Variants in ANKS1A observed in about 807,000 individuals in gnomAD.
ANKS1A encodes the protein ankyrin repeat and sterile alpha motif domain containing 1A.
In ANKS1A, 55 loss-of-function variants were observed where a neutral mutation model predicts 120.3. The ratio of observed to expected loss-of-function variants is 0.46; its 90% CI spans 0.37 to 0.57. The LOEUF (loss-of-function observed/expected upper bound fraction) is 0.57. Ranked by LOEUF, ANKS1A falls within the 20% of genes least tolerant of loss-of-function variation. ANKS1A has a pLI of 0.00. For synonymous variants in ANKS1A, 590 were observed against 604.7 expected (o/e 0.98, Z 0.36); for missense variants, 1,123 against 1,480.3 (o/e 0.76, Z 3.96).
chr6:35,089,016 G>A lies in ANKS1A; in HGVS notation c.*407G>A, dbSNP rs1430067520. On this transcript the variant is annotated 3_prime_UTR_variant, in exon 24 of 24. Coordinates refer to ENST00000360359, the MANE Select transcript of ANKS1A (RefSeq NM_015245.3). ...CTGAGGTTGGTTCAGAGGCCAGCCTGCATAGCCTCTGTCCTCAGGACGGAA... is the reference window on the plus strand; with the variant it reads ...CTGAGGTTGGTTCAGAGGCCAGCCTACATAGCCTCTGTCCTCAGGACGGAA... 8.8e-7 allele frequency: 1 copy of A among 1,140,856 alleles called. No individual in the cohort carries two copies. The highest frequency in any genetic ancestry group is 1.1e-6 in the Non-Finnish European group (1 of 921,028). 70.7% of individuals were successfully genotyped at this position (1,140,856 alleles called of 1,614,324 possible).
chr6:34,986,928 G>C (rs548352994), intron 8 of ANKS1A, among the ~76,000 whole-genome samples: 63 of 152,354 alleles, frequency 4.1e-4, no homozygotes, highest in Non-Finnish European at 7.1e-4. Context: ...GGTACTTATA[G>C]GTGATGCCCA....
chr6:35,043,675 G>T (rs1302409492), intron 11 of ANKS1A, among the ~76,000 whole-genome samples: 2 of 152,236 alleles, frequency 1.3e-5, no homozygotes, highest in African/African-American at 2.4e-5. Flanking sequence ...AAAGGAGGAA[G>T]TCATTTTTTA....
intron 1 of ANKS1A, 28 bp from the exon 2 acceptor site, chr6:34,967,211 G>GTC (rs748336813): frequency 6.2e-7 from 1 of 1,603,960 alleles, no homozygotes; most frequent in Non-Finnish European, 8.5e-7. Context: ...TGAAATCTAT[G>GTC]TCTCTCTCTT....
At chr6:34,940,538 C>G (rs1446791385) in intron 1 of ANKS1A, among the ~76,000 whole-genome samples, 2 of 152,180 alleles carry the variant, frequency 1.3e-5, no homozygotes, top group Non-Finnish European at 2.9e-5. Flanking sequence ...TCTTAGATAT[C>G]TTTTCTATAT....
chr6:34,931,908 C>G (rs969719173), intron 1 of ANKS1A, among the ~76,000 whole-genome samples: 4 of 152,192 alleles, frequency 2.6e-5, no homozygotes, highest in Non-Finnish European at 4.4e-5. Flanking sequence ...GTGATTATTC[C>G]TTTCAGTATT....
In ANKS1A at chr6:35,057,724, C is replaced by T. The variant is rs1169170302; in HGVS notation, c.2078-2423C>T. 6.6e-6 allele frequency among the ~76,000 whole-genome samples: 1 copy of T among 152,192 alleles called. No individual in the cohort carries two copies. The highest frequency in any genetic ancestry group is 1.9e-4 in the East Asian group (1 of 5,198). ...AACAGGCCCCAAGAGAAGTCCGTCC[C>T]CAATTTGTTTGGTATACTCACCTAA... On this transcript the variant is annotated intron_variant, in intron 12 of 23. Coordinates refer to ENST00000360359, the MANE Select transcript of ANKS1A (RefSeq NM_015245.3). This position sits in a 1 kb window ranked among gnomAD's most constrained non-coding sequence, Gnocchi z 4.1.
At chr6:34,903,009 G>A (rs1767440116) in intron 1 of ANKS1A, among the ~76,000 whole-genome samples, 1 of 152,092 alleles carries the variant, frequency 6.6e-6, no homozygotes, top group Non-Finnish European at 1.5e-5. Context: ...TATTTATGAA[G>A]ACCTGATTCT....
intron 10 of ANKS1A, among the ~76,000 whole-genome samples, chr6:35,016,935 C>CTTTT (rs558659921): frequency 1.1e-3 from 100 of 86,974 alleles, no homozygotes; most frequent in Non-Finnish European, 1.5e-3. Context: ...ATCATGACCT[C>CTTTT]TTTTTTTTTT....
At chr6:35,039,192 C>CTTTTTT (rs35565672) in intron 11 of ANKS1A, among the ~76,000 whole-genome samples, 41 of 83,786 alleles carry the variant, frequency 4.9e-4, no homozygotes, top group Non-Finnish European at 6.4e-4. Flanking sequence ...CTCCCTCATA[C>CTTTTTT]TTTTTTTTTT....
Position 34,985,219 on chromosome 6 carries a change from C to A in ANKS1A, c.1150C>A (p.Gln384Lys). The A allele has an allele frequency of 1.2e-6, 2 of 1,614,168 alleles. No homozygotes were observed. Among genetic ancestry groups the A allele is most frequent in the Non-Finnish European group, 1.7e-6 (2 of 1,180,030 alleles). Residue 384 changes from glutamine (Q) to lysine (K), a missense_variant, in exon 8 of 24, where the codon CAA (glutamine) becomes AAA (lysine). Physicochemically the swap from Gln to Lys is moderately conservative, Grantham distance 53. Around this residue, in one of 3 missense-constraint regions of ANKS1A, gnomAD observed 904 missense variants for 1,130.4 expected, o/e 0.80. Coordinates refer to ENST00000360359, the MANE Select transcript of ANKS1A (RefSeq NM_015245.3). ...DSMASGRSSD[Q>K]DSTNKEAEAA... ...CATGGCCAGCGGGCGATCATCTGAC[C>A]AAGACTCCACGAACAAGGAGGCTGA...
At chr6:34,930,757 G>T (rs1472353427) in intron 1 of ANKS1A, among the ~76,000 whole-genome samples, 2 of 151,990 alleles carry the variant, frequency 1.3e-5, no homozygotes, top group African/African-American at 4.8e-5. Flanking sequence ...CCTCGTTTCT[G>T]TTACCACAGC....
intron 14 of ANKS1A, 139 bp from the exon 15 acceptor site, chr6:35,079,377 G>C (rs1380299730): frequency 6.1e-6 from 6 of 984,728 alleles, no homozygotes; most frequent in Non-Finnish European, 2.9e-6. Flanking sequence ...TGCGAAGTGG[G>C]GGGCTGGAAG....
At chr6:35,051,050 G>A (rs553757880) in intron 11 of ANKS1A, among the ~76,000 whole-genome samples, 4 of 152,216 alleles carry the variant, frequency 2.6e-5, no homozygotes, top group South Asian at 4.1e-4. Context: ...ATGGATACCC[G>A]GGTTTCTGGG....
chr6:35,041,256 C>T (rs1775442813), intron 11 of ANKS1A, among the ~76,000 whole-genome samples: 1 of 152,206 alleles, frequency 6.6e-6, no homozygotes, highest in South Asian at 2.1e-4. Flanking sequence ...AGCACATACA[C>T]AAAGCCCCTA....
chr6:35,086,512 C>T lies in ANKS1A; in HGVS notation c.3304-440C>T. ...CCCTCTGCCTGTTCTGTGTGTGCTT[C>T]AGCCCTCTCTGTTTTTCTGTTGTGT... On this transcript the variant is annotated intron_variant, in intron 22 of 23. Coordinates refer to ENST00000360359, the MANE Select transcript of ANKS1A (RefSeq NM_015245.3). The surrounding 1 kb of genome is among the most constrained non-coding windows in gnomAD (Gnocchi z 5.1). 1.9e-6 allele frequency: 1 copy of T among 516,880 alleles called. No individual in the cohort carries two copies. The highest frequency in any genetic ancestry group is 3.4e-6 in the Non-Finnish European group (1 of 297,638). The allele number at this position is 516,880 out of a possible 1,614,324, so 32.0% of individuals were successfully genotyped here.
intron 1 of ANKS1A, among the ~76,000 whole-genome samples, chr6:34,901,507 T>G (rs1432182631): frequency 2.0e-5 from 3 of 151,308 alleles, no homozygotes; most frequent in Non-Finnish European, 4.4e-5. Flanking sequence ...TGAGGTGGGG[T>G]TTTTTTTGTT....
chr6:34,959,741 A>G (rs1183665400), intron 1 of ANKS1A, among the ~76,000 whole-genome samples: 2 of 152,164 alleles, frequency 1.3e-5, no homozygotes, highest in Non-Finnish European at 2.9e-5. Context: ...ACTTTAAGCA[A>G]TTTTACCTCA....
In ANKS1A at chr6:35,085,695, C is replaced by T. The variant is rs913335556; in HGVS notation, c.3133-71C>T. The T allele has an allele frequency of 3.0e-5, 44 of 1,474,170 alleles. No individual in the cohort carries two copies. Among genetic ancestry groups the T allele is most frequent in the South Asian group, 1.1e-4 (8 of 71,650 alleles). The allele number at this position is 1,474,170 out of a possible 1,614,324, so 91.3% of individuals were successfully genotyped here. ...CTTAGAGGGGGACACATGGTCCCTG[C>T]GAGGAAGGGCATATCCAGTGTGAAG... On this transcript the variant is annotated intron_variant, in intron 21 of 23. Transcript: ENST00000360359. This position sits in a 1 kb window ranked among gnomAD's most constrained non-coding sequence, Gnocchi z 4.7.
intron 13 of ANKS1A, among the ~76,000 whole-genome samples, chr6:35,073,858 C>T (rs2127601104): frequency 1.3e-5 from 2 of 152,336 alleles, no homozygotes; most frequent in South Asian, 4.1e-4. Context: ...AGAAACGTTT[C>T]TTGCCCTTTG....
Sources: allele counts gnomAD v4.1 joint callset (sites outside exome capture counted in the v4.1 genomes callset), GRCh38; gene constraint gnomAD v4.1.1; regional missense constraint gnomAD v4.1.1; non-coding constraint Gnocchi (gnomAD v3.1); transcripts MANE v1.5; gene names NCBI Gene and HGNC (gene_info 2026-07-23, HGNC 2026-07-21).